The following GRK6 variants were observed in gnomAD, a reference collection of about 807,000 sequenced individuals.
GRK6 encodes the protein G protein-coupled receptor kinase 6.
In GRK6, 37 loss-of-function variants were observed where a neutral mutation model predicts 80.8. That is an observed-to-expected ratio of 0.46 (90% CI 0.35 to 0.60). The LOEUF (loss-of-function observed/expected upper bound fraction) is 0.60. Among genes scored for constraint, GRK6 ranks in the 20% least tolerant of loss-of-function variants. The pLI is 0.00. For missense variants in GRK6, 560 were observed against 784.6 expected, an observed-to-expected ratio of 0.71 and a Z score of 3.42; for synonymous variants, 295 against 320.9, an observed-to-expected ratio of 0.92 and a Z score of 0.86.
At chr5:177,433,048 T>C in intron 5 of GRK6, 99 bp from the exon 6 acceptor site, 2 of 1,065,794 alleles carry the variant, frequency 1.9e-6, no homozygotes, top group East Asian at 2.4e-5. Context: ...ACGATACCTG[T>C]GGGCTAAGCC....
chr5:177,435,970 G>A lies in GRK6; in HGVS notation c.1058-103G>A, dbSNP rs904317627. On this transcript the variant is annotated intron_variant, in intron 11 of 15. Coordinates refer to ENST00000355472, the MANE Select transcript of GRK6 (RefSeq NM_001004106.3). Reference sequence around the variant, plus strand: ...CTGGCCAAGGTCCCCCCTGGCCAGCGGGTGTGAGTGTATCCCAGACCTAAC... The same window carrying A: ...CTGGCCAAGGTCCCCCCTGGCCAGCAGGTGTGAGTGTATCCCAGACCTAAC... 11 of 953,432 alleles carry A rather than the reference G, an allele frequency of 1.2e-5. No homozygotes were observed. In the Middle Eastern group the frequency reaches 7.0e-4, roughly 60 times the overall value. The allele number at this position is 953,432 out of a possible 1,614,324, so 59.1% of individuals were successfully genotyped here.
At chr5:177,441,446 C>G in intron 15 of GRK6, 1 of 677,102 alleles carries the variant, frequency 1.5e-6, no homozygotes, top group South Asian at 1.9e-5. Context: ...CGTGCCCTGT[C>G]TCTGCCAGCC....
intron 9 of GRK6, 26 bp downstream of exon 9, chr5:177,434,130 G>A (rs1284061256): frequency 6.6e-6 from 10 of 1,516,802 alleles, no homozygotes; most frequent in African/African-American, 2.8e-5. Flanking sequence ...CCACCCCAGG[G>A]GCTTAGTCCT....
chr5:177,432,197 C>A, intron 3 of GRK6, 36 bp from the exon 4 acceptor site: 1 of 1,612,762 alleles, frequency 6.2e-7, no homozygotes. Context: ...GCTTGCCCTG[C>A]CCAGACCTCC....
Position 177,440,767 on chromosome 5 carries a change from T to C in GRK6, c.1472T>C (p.Leu491Pro). 6.2e-7 allele frequency: 1 copy of C among 1,614,232 alleles called. No individual in the cohort carries two copies. The highest frequency in any genetic ancestry group is 8.5e-7 in the Non-Finnish European group (1 of 1,180,030). The change falls in exon 14 of 16, where the codon CTG (leucine) becomes CCG (proline). Residue 491 changes from leucine (L) to proline (P), a missense_variant. By Grantham distance (98) the Leu-to-Pro change is moderately conservative (BLOSUM62 -3). Around this residue, in one of 3 missense-constraint regions of GRK6, gnomAD observed 294 missense variants for 397.4 expected, o/e 0.74. Transcript: ENST00000355472. ...EQFSTVKGVE[L>P]EPTDQDFYQK... ...TTCTCTACGGTCAAGGGCGTGGAGC[T>C]GGAGCCTACCGACCAGGACTTCTAC...
chr5:177,441,985 A>T lies in GRK6; in HGVS notation c.*195A>T, dbSNP rs1435849018. ...TGGCAGGGCCTGGGCCATCCCTGGG[A>T]CAAAGGTGCGTCCCTTCAGCTCTTC... On this transcript the variant is annotated 3_prime_UTR_variant, in exon 16 of 16. Coordinates refer to ENST00000355472, the MANE Select transcript of GRK6 (RefSeq NM_001004106.3). 3.3e-6 allele frequency: 2 copies of T among 601,822 alleles called. No individual in the cohort carries two copies. Among genetic ancestry groups the T allele is most frequent in the African/African-American group, 3.7e-5 (2 of 53,362 alleles). The allele number at this position is 601,822 out of a possible 1,614,324, so 37.3% of individuals were successfully genotyped here.
In GRK6 at chr5:177,432,635, C is replaced by T. The variant is rs916336537; in HGVS notation, c.340-71C>T. The T allele has an allele frequency of 5.4e-6, 6 of 1,103,408 alleles. No homozygotes were observed. The East Asian group carries it at 1.6e-4, about 29-fold the overall frequency. The allele number at this position is 1,103,408 out of a possible 1,614,324, so 68.4% of individuals were successfully genotyped here. A position where few individuals can be genotyped will look rare whatever the true frequency, so the allele number is the denominator to read the frequency against. On this transcript the variant is annotated intron_variant, in intron 4 of 15. Coordinates refer to ENST00000355472, the MANE Select transcript of GRK6 (RefSeq NM_001004106.3). The stretch of plus-strand genomic sequence containing the variant: ...CATGGCACCAGCCCGAGTTGCCTGA[C>T]CCCTCTCCCCTGGAAGTGGGCAGCC...
At chr5:177,439,368 C>T (rs1021123407) in intron 13 of GRK6, among the ~76,000 whole-genome samples, 38 of 151,980 alleles carry the variant, frequency 2.5e-4, no homozygotes, top group African/African-American at 7.7e-4. Flanking sequence ...GTGAAACCCC[C>T]GTCTCTACTA....
At chr5:177,433,805 G>C in intron 8 of GRK6, 109 bp from the exon 9 acceptor site, 1 of 1,507,488 alleles carries the variant, frequency 6.6e-7, no homozygotes. Flanking sequence ...CACCAGGCTT[G>C]GGGAGCAGGC....
At chr5:177,435,878 G>A (rs545384272) in intron 11 of GRK6, among the ~76,000 whole-genome samples, 195 bp from the exon 12 acceptor site, 20 of 152,288 alleles carry the variant, frequency 1.3e-4, no homozygotes, top group East Asian at 5.8e-4. Context: ...CTGAAGACCC[G>A]GGGACCCTGG....
At position 177,432,017 on chromosome 5, in the gene GRK6, C is replaced by T. The variant is rs754735690; in HGVS notation, c.171C>T (p.Cys57=). The change falls in exon 3 of 16, where the codon TGC becomes TGT. Residue 57 remains cysteine, a synonymous_variant. Coordinates refer to ENST00000355472, the MANE Select transcript of GRK6 (RefSeq NM_001004106.3). ...LSLERDYHSL[C]ERQPIGRLLF... The stretch of plus-strand genomic sequence containing the variant: ...CAGAGCGTGACTATCACAGCCTGTG[C>T]GAGCGGCAGCCCATTGGGCGCCTGC... The T allele has an allele frequency of 1.1e-5, 18 of 1,613,268 alleles. No homozygotes were observed. Among genetic ancestry groups the T allele is most frequent in the South Asian group, 3.3e-5 (3 of 91,078 alleles).
At chr5:177,433,867 A>G (rs775870230) in intron 8 of GRK6, 47 bp from the exon 9 acceptor site, 1 of 1,513,174 alleles carries the variant, frequency 6.6e-7, no homozygotes, top group South Asian at 1.3e-5. Context: ...CCTGCCGCCA[A>G]GCGCCCCGCA....
Position 177,433,554 on chromosome 5 carries a change from C to A in GRK6, c.616C>A (p.Arg206=). ...GCCACAGGTGTGCGCCTGCCAGGTG[C>A]GGGCCACAGGTAAGATGTATGCCTG... ...GFGEVCACQV[R]ATGKMYACKK... The change falls in exon 8 of 16, where the codon CGG becomes AGG. Residue 206 remains arginine, a synonymous_variant. Transcript: ENST00000355472. 2 of 1,614,014 alleles carry A rather than the reference C, an allele frequency of 1.2e-6. No homozygotes were observed. The highest frequency in any genetic ancestry group is 1.7e-6 in the Non-Finnish European group (2 of 1,180,004).
chr5:177,428,904 C>G lies in GRK6; in HGVS notation c.53-1968C>G, dbSNP rs1763776834. 6.6e-6 allele frequency among the ~76,000 whole-genome samples: 1 copy of G among 152,108 alleles called. No individual in the cohort carries two copies. Among genetic ancestry groups the G allele is most frequent in the Non-Finnish European group, 1.5e-5 (1 of 68,024 alleles). Reference sequence around the variant, plus strand: ...GCTTTTCATGAGCTTGAGGCTGGGGCCCCTGACGGCTTCTCAAGTGATCTG... The same window carrying G: ...GCTTTTCATGAGCTTGAGGCTGGGGGCCCTGACGGCTTCTCAAGTGATCTG... On this transcript the variant is annotated intron_variant, in intron 1 of 15. Transcript: ENST00000355472. The surrounding 1 kb of genome is among the most constrained non-coding windows in gnomAD (Gnocchi z 4.1).
chr5:177,426,920 C>T (rs1763696367), intron 1 of GRK6, 23 bp downstream of exon 1: 1 of 1,348,638 alleles, frequency 7.4e-7, no homozygotes, highest in Non-Finnish European at 9.6e-7. Context: ...GGTGGGCGGC[C>T]GGGCCCGGGT....
chr5:177,441,557 C>T (rs1764499417), intron 15 of GRK6, among the ~76,000 whole-genome samples, 180 bp from the exon 16 acceptor site: 1 of 152,202 alleles, frequency 6.6e-6, no homozygotes, highest in South Asian at 2.1e-4. Context: ...CAATGACGCC[C>T]ACCCACGTGT....
intron 1 of GRK6, chr5:177,430,641 C>T (rs911147495): frequency 2.1e-5 from 12 of 564,966 alleles, no homozygotes; most frequent in East Asian, 3.1e-5. Flanking sequence ...CCTCCCGCAG[C>T]GACCTCACTG....
chr5:177,440,493 G>T (rs888819898), intron 13 of GRK6, among the ~76,000 whole-genome samples: 1 of 152,236 alleles, frequency 6.6e-6, no homozygotes, highest in Non-Finnish European at 1.5e-5. Context: ...GAGGAATAAC[G>T]TACGCAGTTC....
chr5:177,431,946 C>T, intron 2 of GRK6, 49 bp from the exon 3 acceptor site: 1 of 1,513,442 alleles, frequency 6.6e-7, no homozygotes, highest in Non-Finnish European at 9.2e-7. Context: ...CATGCCCCAC[C>T]CATGTGCTCT....
Sources: allele counts gnomAD v4.1 joint callset (sites outside exome capture counted in the v4.1 genomes callset), GRCh38; gene constraint gnomAD v4.1.1; regional missense constraint gnomAD v4.1.1; non-coding constraint Gnocchi (gnomAD v3.1); transcripts MANE v1.5; gene names NCBI Gene and HGNC (gene_info 2026-07-23, HGNC 2026-07-21).